Variants in EYS observed in about 807,000 individuals in gnomAD.
The protein encoded by EYS is EGF-like photoreceptor maintenance factor.
In EYS, 250 loss-of-function variants were observed where a neutral mutation model predicts 282.1. That is an observed-to-expected ratio of 0.89 (90% CI 0.80 to 0.98). The LOEUF (loss-of-function observed/expected upper bound fraction) is 0.98. Among genes scored for constraint, EYS ranks in the 50% least tolerant of loss-of-function variants. The probability of loss-of-function intolerance (pLI) is 0.00; values close to 1 mark genes in which losing one functional copy is unlikely to be tolerated. For missense variants in EYS, 4,016 were observed against 3,709.0 expected (o/e 1.08, Z -2.15); for synonymous variants, 1,355 against 1,282.9 (o/e 1.06, Z -1.20).
intron 29 of EYS, among the ~76,000 whole-genome samples, chr6:64,369,840 T>C (rs1259268715): frequency 6.6e-6 from 1 of 152,078 alleles, no homozygotes; most frequent in East Asian, 1.9e-4. Flanking sequence ...TGGATATTGT[T>C]GTTGTATAGG....
intron 28 of EYS, among the ~76,000 whole-genome samples, chr6:64,396,569 T>C (rs1164720982): frequency 5.9e-5 from 9 of 152,144 alleles, no homozygotes; most frequent in Non-Finnish European, 1.5e-5. Flanking sequence ...CATTTAGATC[T>C]ACAATCCACC....
intron 12 of EYS, among the ~76,000 whole-genome samples, chr6:65,201,368 C>A (rs533708675): frequency 1.3e-5 from 2 of 152,214 alleles, no homozygotes; most frequent in South Asian, 4.2e-4. Flanking sequence ...GACACATATA[C>A]AATAAGTAGT....
intron 22 of EYS, among the ~76,000 whole-genome samples, chr6:64,644,275 T>C (rs1290405670): frequency 2.0e-5 from 3 of 152,090 alleles, no homozygotes; most frequent in Admixed American, 6.6e-5. Flanking sequence ...ATCCCAGTTT[T>C]ATGAGCCATA....
At chr6:65,204,281 G>A (rs1033511757) in intron 12 of EYS, among the ~76,000 whole-genome samples, 1 of 151,670 alleles carries the variant, frequency 6.6e-6, no homozygotes, top group Non-Finnish European at 1.5e-5. Context: ...AAGTCAACAT[G>A]AAAGAACTAA....
At position 65,082,162 on chromosome 6, in the gene EYS, G is replaced by T. The variant is rs999380025; in HGVS notation, c.2024-24435C>A. 2.6e-4 allele frequency among the ~76,000 whole-genome samples: 39 copies of T among 151,934 alleles called. 1 individual carries two copies. Among genetic ancestry groups the T allele is most frequent in the African/African-American group, 9.4e-4 (39 of 41,400 alleles). ...ACAAAATTATCCATATAAATGTCAA[G>T]ATTTATTTTCCTAACATAAATGATC... On this transcript the variant is annotated intron_variant, in intron 12 of 42. Transcript: ENST00000503581.
At chr6:64,520,206 T>G (rs1777688636) in intron 26 of EYS, among the ~76,000 whole-genome samples, 1 of 151,768 alleles carries the variant, frequency 6.6e-6, no homozygotes, top group South Asian at 2.1e-4. Context: ...TCAACCCATT[T>G]TGAGAACTGC....
At chr6:63,872,477 G>GTTTTTTTTT (rs3041455) in intron 35 of EYS, among the ~76,000 whole-genome samples, 1 of 119,396 alleles carries the variant, frequency 8.4e-6, no homozygotes, top group Non-Finnish European at 1.6e-5. Context: ...CCTAAATATG[G>GTTTTTTTTT]TTTTTTTTTT....
chr6:63,740,820 C>T (rs974675651), intron 41 of EYS, among the ~76,000 whole-genome samples: 1 of 152,146 alleles, frequency 6.6e-6, no homozygotes. Flanking sequence ...AGAGAAGCCA[C>T]AAATAGGACT....
intron 11 of EYS, among the ~76,000 whole-genome samples, chr6:65,329,031 T>A (rs536808845): frequency 1.3e-5 from 2 of 151,360 alleles, no homozygotes; most frequent in African/African-American, 4.8e-5. Context: ...GTTATACCTA[T>A]AAAAACGATT....
At chr6:65,014,019 C>T (rs990228809) in intron 13 of EYS, among the ~76,000 whole-genome samples, 5 of 152,172 alleles carry the variant, frequency 3.3e-5, no homozygotes, top group Non-Finnish European at 5.9e-5. Flanking sequence ...GTGGGTCTGA[C>T]TAAATCAGGT....
At chr6:64,909,245 A>G (rs1767919604) in intron 16 of EYS, among the ~76,000 whole-genome samples, 1 of 152,182 alleles carries the variant, frequency 6.6e-6, no homozygotes, top group Non-Finnish European at 1.5e-5. Context: ...AACACTAACA[A>G]CAAGCAGTTA....
chr6:64,021,712 C>T (rs780752742), intron 33 of EYS, among the ~76,000 whole-genome samples: 2 of 152,126 alleles, frequency 1.3e-5, no homozygotes, highest in African/African-American at 2.4e-5. Flanking sequence ...TCAAAAGATA[C>T]TCAAGAAGTT....
chr6:65,421,219 GT>G (rs552788193), intron 5 of EYS, among the ~76,000 whole-genome samples: 32 of 151,752 alleles, frequency 2.1e-4, no homozygotes, highest in Middle Eastern at 3.4e-3. Context: ...ATGTTGTTTG[GT>G]ATAACAACCT....
At chr6:65,605,395 A>G (rs1428035386) in intron 2 of EYS, among the ~76,000 whole-genome samples, 2 of 151,994 alleles carry the variant, frequency 1.3e-5, no homozygotes, top group Non-Finnish European at 2.9e-5. Flanking sequence ...AAAATAAATT[A>G]TAATACACAA....
intron 22 of EYS, among the ~76,000 whole-genome samples, chr6:64,642,944 C>T (rs942586830): frequency 1.3e-5 from 2 of 152,112 alleles, no homozygotes; most frequent in African/African-American, 2.4e-5. Context: ...GGAGAAACCC[C>T]GTCTCTACTA....
chr6:65,650,681 C>T (rs757878069), intron 1 of EYS, among the ~76,000 whole-genome samples: 3 of 152,080 alleles, frequency 2.0e-5, no homozygotes, highest in South Asian at 2.1e-4. Flanking sequence ...ACAAGCGTTT[C>T]GGGAGGATGT....
chr6:65,142,612 T>C (rs951014068), intron 12 of EYS, among the ~76,000 whole-genome samples: 3 of 151,600 alleles, frequency 2.0e-5, no homozygotes, highest in Admixed American at 6.6e-5. Flanking sequence ...AGAATCACTC[T>C]GTAATATCTT....
intron 26 of EYS, among the ~76,000 whole-genome samples, chr6:64,483,622 G>C (rs1207655911): frequency 6.6e-6 from 1 of 151,582 alleles, no homozygotes; most frequent in Non-Finnish European, 1.5e-5. Context: ...TGAAGAGGCA[G>C]GCTCTGTTTC....
chr6:64,150,214 A>T (rs1562225943), intron 31 of EYS, among the ~76,000 whole-genome samples: 1 of 152,208 alleles, frequency 6.6e-6, no homozygotes, highest in Non-Finnish European at 1.5e-5. Flanking sequence ...TCTCCAGATG[A>T]TTCTTAAGCA....
Sources: gnomAD v4.1 joint callset for allele counts (sites outside exome capture counted in the v4.1 genomes callset) on GRCh38, gnomAD v4.1.1 for gene constraint, MANE v1.5 for transcripts, NCBI Gene and HGNC (gene_info 2026-07-23, HGNC 2026-07-21) for gene names.